TTC21B: variants seen among roughly 807,000 people sequenced by gnomAD.
TTC21B encodes the protein tetratricopeptide repeat protein 21B.
TTC21B carries 127 observed loss-of-function variants against 175.1 expected under a neutral mutation model. The observed-to-expected ratio is 0.73, with a 90% CI of 0.63 to 0.84. The LOEUF is 0.84. Ranked by LOEUF, TTC21B falls within the 40% of genes least tolerant of loss-of-function variation. TTC21B has a pLI of 0.00. For synonymous variants in TTC21B, 524 were observed against 524.5 expected (o/e 1.00, Z 0.01); for missense variants, 1,561 against 1,558.3 (o/e 1.00, Z -0.03).
At chr2:165,879,331 T>C (rs562787797) in intron 27 of TTC21B, among the ~76,000 whole-genome samples, 3 of 152,368 alleles carry the variant, frequency 2.0e-5, no homozygotes, top group South Asian at 2.1e-4. Flanking sequence ...ACTTTTCATT[T>C]TACCAGATGA....
intron 27 of TTC21B, among the ~76,000 whole-genome samples, chr2:165,878,505 T>C (rs191941989): frequency 2.1e-4 from 32 of 152,220 alleles, no homozygotes; most frequent in Middle Eastern, 3.4e-3. Flanking sequence ...ATTTAAGATA[T>C]ACAAAATGAT....
At chr2:165,906,494 T>A (rs1685739062) in intron 19 of TTC21B, among the ~76,000 whole-genome samples, 1 of 152,032 alleles carries the variant, frequency 6.6e-6, no homozygotes, top group African/African-American at 2.4e-5. Flanking sequence ...AAAGATATAA[T>A]AAACAAGTTT....
In TTC21B at chr2:165,931,859, A is replaced by G. The variant is rs794727932; in HGVS notation, c.796-3T>C. 10 of 1,598,812 alleles carry G rather than the reference A, an allele frequency of 6.3e-6. No homozygotes were observed. In the African/African-American group the frequency reaches 1.1e-4, roughly 17 times the overall value. On this transcript the variant is annotated splice_polypyrimidine_tract_variant and splice_region_variant and intron_variant, in intron 7 of 28. Coordinates refer to ENST00000243344, the MANE Select transcript of TTC21B (RefSeq NM_024753.5). ...AAGTTTTCCAGCTTGGTGGAAGCCT[A>G]AAACAAAAGGAACTGGTATTAACTT...
intron 22 of TTC21B, among the ~76,000 whole-genome samples, chr2:165,892,452 A>C (rs1159701755): frequency 6.6e-6 from 1 of 152,206 alleles, no homozygotes; most frequent in Non-Finnish European, 1.5e-5. Flanking sequence ...GAAAAAGTGG[A>C]AAGAGCCCAC....
intron 7 of TTC21B, among the ~76,000 whole-genome samples, chr2:165,932,672 A>G (rs1365181546): frequency 6.6e-6 from 1 of 152,088 alleles, no homozygotes; most frequent in African/African-American, 2.4e-5. Context: ...ATCTAGTTAC[A>G]TTAATCATAT....
At chr2:165,876,940 G>T (rs903523100) in intron 27 of TTC21B, among the ~76,000 whole-genome samples, 12 of 152,270 alleles carry the variant, frequency 7.9e-5, no homozygotes, top group African/African-American at 2.6e-4. Context: ...ATAGGAGAGC[G>T]ACACAGAGGA....
intron 6 of TTC21B, 98 bp downstream of exon 6, chr2:165,940,929 A>T: frequency 7.2e-7 from 1 of 1,379,430 alleles, no homozygotes; most frequent in Non-Finnish European, 1.0e-6. Context: ...GAAAAAAATC[A>T]AATTTAAAAA....
At chr2:165,902,946 A>T (rs1685616453) in intron 19 of TTC21B, among the ~76,000 whole-genome samples, 1 of 152,220 alleles carries the variant, frequency 6.6e-6, no homozygotes, top group South Asian at 2.1e-4. Context: ...CTAGCACCTC[A>T]GGGGTAAGGG....
At chr2:165,884,420 T>A (rs771892746) in intron 25 of TTC21B, among the ~76,000 whole-genome samples, 16 of 152,226 alleles carry the variant, frequency 1.1e-4, no homozygotes, top group Non-Finnish European at 1.6e-4. Context: ...GCTCCTTAGT[T>A]CTTTCACCTG....
chr2:165,931,662 C>G (rs1686911468), intron 8 of TTC21B, 96 bp downstream of exon 8: 6 of 1,009,074 alleles, frequency 5.9e-6, no homozygotes, highest in Non-Finnish European at 7.8e-6. Context: ...TATTTGCACT[C>G]TAGGCCATAT....
chr2:165,943,577 TAAGAA>T (rs2105363662), intron 4 of TTC21B, among the ~76,000 whole-genome samples: 1 of 152,308 alleles, frequency 6.6e-6, no homozygotes, highest in African/African-American at 2.4e-5. Context: ...ATATTAAAAT[TAAGAA>T]GCTTATCAAA....
At chr2:165,930,422 A>G in intron 8 of TTC21B, 58 bp from the exon 9 acceptor site, 1 of 1,250,288 alleles carries the variant, frequency 8.0e-7, no homozygotes, top group Non-Finnish European at 1.1e-6. Flanking sequence ...ACTGAGACTA[A>G]AGGATTATTT....
Position 165,945,632 on chromosome 2 carries a change from T to G in TTC21B, c.321A>C (p.Gly107=). 6.2e-7 allele frequency: 1 copy of G among 1,613,812 alleles called. No homozygotes were observed. The highest frequency in any genetic ancestry group is 8.5e-7 in the Non-Finnish European group (1 of 1,179,932). Residue 107 remains glycine (G), a synonymous_variant, in exon 4 of 29, where the codon GGA becomes GGC. Transcript: ENST00000243344. ...AGCCTGCATGGTATAAGGCTTTCTC[T>G]CCAGCTCCTTTACGTTGTTCCTTCA... ...ARVKEQRKGA[G]EKALYHAGLF...
At chr2:165,898,247 G>A (rs922372040) in intron 22 of TTC21B, among the ~76,000 whole-genome samples, 10 of 152,118 alleles carry the variant, frequency 6.6e-5, no homozygotes, top group Admixed American at 1.3e-4. Context: ...GGCCACAGGC[G>A]GGATCACAGG....
chr2:165,936,016 G>A (rs577012918), intron 6 of TTC21B, among the ~76,000 whole-genome samples: 1 of 152,234 alleles, frequency 6.6e-6, no homozygotes, highest in South Asian at 2.1e-4. Context: ...ACATACTATG[G>A]AAGGAAAAGA....
chr2:165,912,715 T>C, intron 16 of TTC21B, 91 bp from the exon 17 acceptor site: 1 of 935,816 alleles, frequency 1.1e-6, no homozygotes, highest in Non-Finnish European at 1.8e-6. Flanking sequence ...ATCTCTACAT[T>C]TGTAATATTA....
In TTC21B at chr2:165,901,891, C is replaced by G; in HGVS notation, c.2588G>C (p.Arg863Pro). Reference protein sequence around the residue: ...ALQQARELQARVLKRVQMEQP... With the variant: ...ALQQARELQAPVLKRVQMEQP... ...TTCCATCTGAACACGTTTTAGTACCCGAGCTTGTAATTCTCGAGCCTAGAA... is the reference window on the plus strand; with the variant it reads ...TTCCATCTGAACACGTTTTAGTACCGGAGCTTGTAATTCTCGAGCCTAGAA... Residue 863 changes from arginine to proline, a missense_variant, in exon 20 of 29, where the codon CGG becomes CCG. Transcript: ENST00000243344. 6.2e-7 allele frequency: 1 copy of G among 1,613,298 alleles called. No individual in the cohort carries two copies. The highest frequency in any genetic ancestry group is 8.5e-7 in the Non-Finnish European group (1 of 1,179,880).
rs554704470 is a variant in TTC21B at position 165,890,394 on chromosome 2, T to A, written c.3263+85A>T. ...ATCTGACCTTTCATTATTGCTATCC[T>A]AAATTTAGTTCTTTTGTATAGTATC... On this transcript the variant is annotated intron_variant, in intron 24 of 28. Coordinates refer to ENST00000243344, the MANE Select transcript of TTC21B (RefSeq NM_024753.5). 30 of 1,313,070 alleles carry A rather than the reference T, an allele frequency of 2.3e-5. No homozygotes were observed. In the Admixed American group the frequency reaches 3.1e-4, roughly 13 times the overall value. 81.3% of individuals were successfully genotyped at this position (1,313,070 alleles called of 1,614,324 possible). A position where few individuals can be genotyped will look rare whatever the true frequency, so the allele number is the denominator to read the frequency against.
Position 165,930,226 on chromosome 2 carries a change from T to G in TTC21B, c.1033A>C (p.Lys345Gln), listed in dbSNP as rs1410347200. 1 of 1,613,388 alleles carries G rather than the reference T, an allele frequency of 6.2e-7. No homozygotes were observed. Among genetic ancestry groups the G allele is most frequent in the South Asian group, 1.1e-5 (1 of 91,050 alleles). Residue 345 changes from lysine to glutamine, a missense_variant, in exon 9 of 29, where the codon AAG becomes CAG. Lys to Gln is a moderately conservative substitution (Grantham distance 53). Transcript: ENST00000243344. ...AGTGTCATGGCGGTCTTATACCACT[T>G]CAGTGCCTCTTTAACTCTTCCTTGT... ...ILQGRVKEAL[K>Q]WYKTAMTLDE...
Sources: allele counts gnomAD v4.1 joint callset (sites outside exome capture counted in the v4.1 genomes callset), GRCh38; gene constraint gnomAD v4.1.1; transcripts MANE v1.5; gene names NCBI Gene and HGNC (gene_info 2026-07-23, HGNC 2026-07-21).